CIT: variants seen among roughly 807,000 people sequenced by gnomAD.
CIT encodes citron Rho-interacting kinase.
CIT carries 79 observed loss-of-function variants against 272.7 expected under a neutral mutation model. That is an observed-to-expected ratio of 0.29 (90% CI 0.24 to 0.35). The LOEUF (loss-of-function observed/expected upper bound fraction) is 0.35, where lower values mean the gene tolerates loss of function less well. Ranked by LOEUF, CIT falls within the 10% of genes least tolerant of loss-of-function variation. The pLI is 1.00. For missense variants in CIT, 1,909 were observed against 2,618.3 expected (o/e 0.73, Z 5.91); for synonymous variants, 948 against 995.6 (o/e 0.95, Z 0.90).
chr12:119,772,424 A>G (rs543808828), intron 17 of CIT, among the ~76,000 whole-genome samples: 1 of 152,152 alleles, frequency 6.6e-6, no homozygotes, highest in Admixed American at 6.5e-5. Context: ...AATATCGTGG[A>G]GGGGAAAGGC....
In CIT at chr12:119,775,818, T is replaced by C; in HGVS notation, c.1909A>G (p.Lys637Glu). The C allele has an allele frequency of 6.2e-7, 1 of 1,614,012 alleles. No homozygotes were observed. Among genetic ancestry groups the C allele is most frequent in the Non-Finnish European group, 8.5e-7 (1 of 1,179,910 alleles). Residue 637 changes from lysine to glutamate, a missense_variant, in exon 16 of 48, where the codon AAA becomes GAA. Coordinates refer to ENST00000392521, the MANE Select transcript of CIT (RefSeq NM_001206999.2). The stretch of plus-strand genomic sequence containing the variant: ...AGTTTCTCTTGGAGCTCCTGAATTT[T>C]GAGCTGCTGCTCAGCATTGATCTAT... ...LEKINAEQQL[K>E]IQELQEKLEK... is the part of the protein sequence containing the mutation.
At chr12:119,863,435 G>A (rs921184454) in intron 3 of CIT, among the ~76,000 whole-genome samples, 4 of 152,050 alleles carry the variant, frequency 2.6e-5, no homozygotes, top group Non-Finnish European at 5.9e-5. Context: ...CCTGGGTGAC[G>A]AAATAATCTA....
intron 13 of CIT, among the ~76,000 whole-genome samples, chr12:119,780,880 G>A (rs547039530): frequency 1.3e-5 from 2 of 152,250 alleles, no homozygotes; most frequent in African/African-American, 4.8e-5. Context: ...TTAAATCTAA[G>A]ACTCCACATG....
intron 20 of CIT, among the ~76,000 whole-genome samples, chr12:119,760,240 GCAGATA>G (rs952289778): frequency 6.6e-6 from 1 of 151,422 alleles, no homozygotes. Flanking sequence ...TTGGTGGAGT[GCAGATA>G]AATAAGCACC....
At chr12:119,739,407 G>C (rs886130069) in intron 24 of CIT, among the ~76,000 whole-genome samples, 1 of 152,042 alleles carries the variant, frequency 6.6e-6, no homozygotes, top group Non-Finnish European at 1.5e-5. Flanking sequence ...GGAGTTGTGG[G>C]AACTCCCATA....
Position 119,770,723 on chromosome 12 carries a change from C to G in CIT, c.2208+62G>C. 4 of 1,597,420 alleles carry G rather than the reference C, an allele frequency of 2.5e-6. No individual in the cohort carries two copies. The highest frequency in any genetic ancestry group is 3.4e-6 in the Non-Finnish European group (4 of 1,168,214). ...GTGGCGGTTAATTCTTCTTCTTACC[C>G]CCTTCCCTTTGCAAACTCTAACCTG... On this transcript the variant is annotated intron_variant, in intron 18 of 47. Transcript: ENST00000392521. This position sits in a 1 kb window ranked among gnomAD's most constrained non-coding sequence, Gnocchi z 4.4.
intron 3 of CIT, 105 bp from the exon 4 acceptor site, chr12:119,857,803 C>G: frequency 9.7e-7 from 1 of 1,025,988 alleles, no homozygotes; most frequent in Non-Finnish European, 1.4e-6. Flanking sequence ...TAGCTTCCCT[C>G]ACTGTCAAAG....
At chr12:119,801,397 C>A (rs1327498077) in intron 10 of CIT, among the ~76,000 whole-genome samples, 1 of 152,154 alleles carries the variant, frequency 6.6e-6, no homozygotes, top group Non-Finnish European at 1.5e-5. Context: ...TCGTTCAAGT[C>A]TTCCTGAAAA....
intron 13 of CIT, among the ~76,000 whole-genome samples, chr12:119,779,823 A>G (rs1964119631): frequency 1.3e-5 from 2 of 152,170 alleles, no homozygotes; most frequent in South Asian, 4.1e-4. Context: ...ATCAAAAGAA[A>G]ATTCTAACTC....
At chr12:119,743,298 T>C (rs1182996730) in intron 23 of CIT, among the ~76,000 whole-genome samples, 1 of 151,670 alleles carries the variant, frequency 6.6e-6, no homozygotes, top group Admixed American at 6.6e-5. Flanking sequence ...GGAGGGCTTC[T>C]CTGAGGAGGT....
At chr12:119,771,034 C>G (rs776990541) in intron 17 of CIT, 124 bp from the exon 18 acceptor site, 4 of 1,115,880 alleles carry the variant, frequency 3.6e-6, no homozygotes, top group Non-Finnish European at 3.8e-6. Context: ...CTCAGGCACC[C>G]GAAGCAACAG....
chr12:119,832,505 G>A (rs1968710665), intron 7 of CIT, among the ~76,000 whole-genome samples: 1 of 152,280 alleles, frequency 6.6e-6, no homozygotes, highest in South Asian at 2.1e-4. Context: ...GGAAAATGAA[G>A]AGAGAAACAA....
intron 16 of CIT, 98 bp from the exon 17 acceptor site, chr12:119,773,008 A>T (rs575097885): frequency 4.6e-5 from 39 of 850,668 alleles, no homozygotes; most frequent in Non-Finnish European, 5.6e-5. Context: ...AACTTAAAGT[A>T]TAATCTAAAA....
chr12:119,702,842 T>C (rs1359827716), intron 41 of CIT, among the ~76,000 whole-genome samples: 3 of 152,194 alleles, frequency 2.0e-5, no homozygotes, highest in Non-Finnish European at 4.4e-5. Context: ...TTTCCTTCTT[T>C]TTGCTAGCTT....
intron 9 of CIT, among the ~76,000 whole-genome samples, chr12:119,808,725 G>A (rs1396562626): frequency 2.6e-5 from 4 of 152,152 alleles, no homozygotes; most frequent in African/African-American, 9.7e-5. Flanking sequence ...CCAAAAACAC[G>A]TTCAACTTCG....
intron 32 of CIT, among the ~76,000 whole-genome samples, chr12:119,717,838 CTTTTTT>C (rs10699099): frequency 1.2e-5 from 1 of 81,332 alleles, no homozygotes; most frequent in Non-Finnish European, 2.3e-5. Context: ...TGACTTCTTT[CTTTTTT>C]TTTTTTTTTT....
At chr12:119,761,852 G>A (rs185786325) in intron 19 of CIT, among the ~76,000 whole-genome samples, 5 of 152,214 alleles carry the variant, frequency 3.3e-5, no homozygotes, top group East Asian at 3.9e-4. Context: ...ATCACCAATC[G>A]CCAACTTGAT....
intron 13 of CIT, among the ~76,000 whole-genome samples, chr12:119,780,534 T>C (rs893876074): frequency 5.3e-5 from 8 of 152,064 alleles, no homozygotes; most frequent in Non-Finnish European, 4.4e-5. Context: ...GGAGAATCAC[T>C]TGAACCCAGG....
At position 119,712,948 on chromosome 12, in the gene CIT, A is replaced by T; in HGVS notation, c.4580-253T>A. Reference sequence around the variant, plus strand: ...TGCGGATTTATGGGTTAGTTGACTGAGGCAGAAGTTCTCGGAAGGTGTATT... The same window carrying T: ...TGCGGATTTATGGGTTAGTTGACTGTGGCAGAAGTTCTCGGAAGGTGTATT... On this transcript the variant is annotated intron_variant, in intron 35 of 47. Transcript: ENST00000392521. This position sits in a 1 kb window ranked among gnomAD's most constrained non-coding sequence, Gnocchi z 5.2. 1.7e-6 allele frequency: 1 copy of T among 580,974 alleles called. No individual in the cohort carries two copies. Among genetic ancestry groups the T allele is most frequent in the South Asian group, 2.1e-5 (1 of 47,772 alleles). The allele number at this position is 580,974 out of a possible 1,614,324, so 36.0% of individuals were successfully genotyped here. A position where few individuals can be genotyped will look rare whatever the true frequency, so the allele number is the denominator to read the frequency against.
Sources: gnomAD v4.1 joint callset for allele counts (sites outside exome capture counted in the v4.1 genomes callset) on GRCh38, gnomAD v4.1.1 for gene constraint, Gnocchi (gnomAD v3.1) non-coding constraint, MANE v1.5 for transcripts, NCBI Gene and HGNC (gene_info 2026-07-23, HGNC 2026-07-21) for gene names.